The following MPHOSPH9 variants were observed in gnomAD, a reference collection of about 807,000 sequenced individuals.
MPHOSPH9 encodes the protein M-phase phosphoprotein 9.
MPHOSPH9 carries 88 observed loss-of-function variants against 145.5 expected under a neutral mutation model. The ratio of observed to expected loss-of-function variants is 0.60; its 90% CI spans 0.51 to 0.72. The LOEUF (loss-of-function observed/expected upper bound fraction) is 0.72, where lower values mean the gene tolerates loss of function less well. Among genes scored for constraint, MPHOSPH9 ranks in the 30% least tolerant of loss-of-function variants. MPHOSPH9 has a pLI of 0.00. For missense variants in MPHOSPH9, 1,238 were observed against 1,386.6 expected, an observed-to-expected ratio of 0.89 and a Z score of 1.70; for synonymous variants, 435 against 486.2, an observed-to-expected ratio of 0.89 and a Z score of 1.39.
In MPHOSPH9 at chr12:123,187,538, G is replaced by GT. The variant is rs1250997618; in HGVS notation, c.2242-6329_2242-6328insA. 2.7e-4 allele frequency among the ~76,000 whole-genome samples: 41 copies of GT among 152,130 alleles called. No individual in the cohort carries two copies. In the South Asian group the frequency reaches 8.3e-3, roughly 31 times the overall value. ...TTTGTATGAAACAAAACAAAGCCAA[G>GT]AAATAGGCAAAATAATTTTTACAAG... On this transcript the variant is annotated intron_variant, in intron 13 of 23. Transcript: ENST00000606320.
At chr12:123,213,075 A>G (rs2046813019) in intron 7 of MPHOSPH9, among the ~76,000 whole-genome samples, 1 of 151,770 alleles carries the variant, frequency 6.6e-6, no homozygotes, top group African/African-American at 2.4e-5. Context: ...TAGCCAGGAT[A>G]GTCTCGATCG....
chr12:123,190,426 A>C (rs527871835), intron 13 of MPHOSPH9, among the ~76,000 whole-genome samples: 1 of 152,326 alleles, frequency 6.6e-6, no homozygotes, highest in South Asian at 2.1e-4. Context: ...CTGGGATTAC[A>C]GGTGCAAGCC....
At chr12:123,242,657 C>CA (rs1397755971) in intron 1 of MPHOSPH9, among the ~76,000 whole-genome samples, 1 of 152,208 alleles carries the variant, frequency 6.6e-6, no homozygotes, top group Non-Finnish European at 1.5e-5. Context: ...TCTTGAACTC[C>CA]AGCTGGGTGG....
upstream of MPHOSPH9, among the ~76,000 whole-genome samples, chr12:123,237,079 C>T (rs994242294): frequency 2.7e-5 from 4 of 150,874 alleles, no homozygotes; most frequent in South Asian, 4.2e-4. Flanking sequence ...AGTGAGACTC[C>T]GGCTAAAAAA....
intron 8 of MPHOSPH9, among the ~76,000 whole-genome samples, chr12:123,204,220 T>C (rs2046329451): frequency 6.6e-6 from 1 of 151,750 alleles, no homozygotes; most frequent in Admixed American, 6.6e-5. Flanking sequence ...GAGAATCGCT[T>C]GAACCTGGAA....
intron 8 of MPHOSPH9, among the ~76,000 whole-genome samples, chr12:123,209,691 T>C (rs1158830496): frequency 6.6e-6 from 1 of 151,624 alleles, no homozygotes; most frequent in East Asian, 1.9e-4. Flanking sequence ...ATTACAGGAT[T>C]ACAGGCCACC....
intron 16 of MPHOSPH9, among the ~76,000 whole-genome samples, chr12:123,169,108 T>C (rs1011667193): frequency 1.3e-4 from 19 of 151,480 alleles, no homozygotes; most frequent in African/African-American, 2.4e-4. Flanking sequence ...AGGATGGTCT[T>C]GATCTGCTGA....
intron 13 of MPHOSPH9, among the ~76,000 whole-genome samples, chr12:123,185,308 GAA>G (rs2045393591): frequency 6.8e-6 from 1 of 146,964 alleles, no homozygotes; most frequent in Non-Finnish European, 1.5e-5. Flanking sequence ...TGATCAATCA[GAA>G]AAAGAGTTGT....
chr12:123,163,828 G>T, intron 19 of MPHOSPH9, 122 bp downstream of exon 19: 1 of 1,139,360 alleles, frequency 8.8e-7, no homozygotes, highest in Non-Finnish European at 1.3e-6. Context: ...CCTCTGCTCA[G>T]AGTACTCTAC....
intron 13 of MPHOSPH9, among the ~76,000 whole-genome samples, chr12:123,192,985 T>C (rs1044793810): frequency 2.7e-5 from 4 of 147,600 alleles, no homozygotes; most frequent in Admixed American, 6.9e-5. Flanking sequence ...GGCAGGAGAA[T>C]TGCTTGAACC....
intron 8 of MPHOSPH9, among the ~76,000 whole-genome samples, chr12:123,208,122 G>A (rs1372429942): frequency 3.3e-5 from 5 of 149,318 alleles, no homozygotes; most frequent in African/African-American, 1.2e-4. Flanking sequence ...GGAGGCTGAG[G>A]CAGGAGAATC....
intron 19 of MPHOSPH9, 135 bp from the exon 20 acceptor site, chr12:123,163,269 T>C (rs1329202731): frequency 2.1e-6 from 2 of 974,030 alleles, no homozygotes; most frequent in Non-Finnish European, 2.9e-6. Context: ...GAAATAAGAG[T>C]GTACAAAAAA....
Position 123,164,165 on chromosome 12 carries a change from AACAGGTGGTT to A in MPHOSPH9, c.2768-85_2768-76del. ...TACGCTTCAGTTATCCACCTTTATTAACAGGTGGTTACACATGGTTACACACCAAGCCCCA... is the reference window on the plus strand; with the variant it reads ...TACGCTTCAGTTATCCACCTTTATTAACACATGGTTACACACCAAGCCCCA... On this transcript the variant is annotated intron_variant, in intron 18 of 23. Transcript: ENST00000606320. The A allele has an allele frequency of 1.9e-6, 3 of 1,547,362 alleles. 1 individual carries two copies. In the South Asian group the frequency reaches 3.4e-5, roughly 17 times the overall value.
chr12:123,162,948 T>A, intron 20 of MPHOSPH9, 66 bp downstream of exon 20: 1 of 1,424,990 alleles, frequency 7.0e-7, no homozygotes, highest in African/African-American at 1.5e-5. Context: ...GCTAGAGACA[T>A]AAGTCAACAT....
chr12:123,157,887 T>A (rs1478964933), intron 23 of MPHOSPH9, among the ~76,000 whole-genome samples: 1 of 151,916 alleles, frequency 6.6e-6, no homozygotes, highest in East Asian at 1.9e-4. Flanking sequence ...ACACTTAGAA[T>A]ATAGAAAATT....
intron 8 of MPHOSPH9, among the ~76,000 whole-genome samples, chr12:123,203,770 A>G (rs765669712): frequency 2.6e-5 from 4 of 152,000 alleles, no homozygotes; most frequent in Admixed American, 6.6e-5. Context: ...TGCAGCCTCA[A>G]TCTCCCAGGC....
Position 123,202,265 on chromosome 12 carries a change from A to G in MPHOSPH9, c.1836T>C (p.Ala612=). 1 of 1,613,330 alleles carries G rather than the reference A, an allele frequency of 6.2e-7. No homozygotes were observed. Among genetic ancestry groups the G allele is most frequent in the Non-Finnish European group, 8.5e-7 (1 of 1,179,838 alleles). The change falls in exon 11 of 24, where the codon GCT becomes GCC. Residue 612 remains alanine (A), a synonymous_variant. Coordinates refer to ENST00000606320, the MANE Select transcript of MPHOSPH9 (RefSeq NM_022782.4). The part of the protein sequence containing the change: ...KHARHIADLR[A]YYESEINSLK... ...AACTATTTATTTCTGATTCATAATA[A>G]GCTCGAAGATCTGCTATGTGTCGAG...
At chr12:123,232,918 C>T (rs991027430) in intron 1 of MPHOSPH9, 157 bp downstream of exon 1, 3 of 152,356 alleles carry the variant, frequency 2.0e-5, no homozygotes, top group African/African-American at 7.2e-5. Flanking sequence ...AGAGCTCCCA[C>T]ACGCCGAAGG....
chr12:123,156,743 T>C lies in MPHOSPH9; in HGVS notation c.*64A>G. 1 of 1,360,980 alleles carries C rather than the reference T, an allele frequency of 7.3e-7. No homozygotes were observed. The highest frequency in any genetic ancestry group is 1.2e-5 in the South Asian group (1 of 82,202). The allele number at this position is 1,360,980 out of a possible 1,614,324, so 84.3% of individuals were successfully genotyped here. ...TAAACAGTACAAAATAGTTTGCCTTTTCTGACTGCATAATTATACATTAGT... is the reference window on the plus strand; with the variant it reads ...TAAACAGTACAAAATAGTTTGCCTTCTCTGACTGCATAATTATACATTAGT... On this transcript the variant is annotated 3_prime_UTR_variant, in exon 24 of 24. Coordinates refer to ENST00000606320, the MANE Select transcript of MPHOSPH9 (RefSeq NM_022782.4).
Sources: gnomAD v4.1 joint callset for allele counts (sites outside exome capture counted in the v4.1 genomes callset) on GRCh38, gnomAD v4.1.1 for gene constraint, MANE v1.5 for transcripts, NCBI Gene and HGNC (gene_info 2026-07-23, HGNC 2026-07-21) for gene names.